The following FSIP1 variants were observed in gnomAD, a reference collection of about 807,000 sequenced individuals.
FSIP1 encodes the protein fibrous sheath-interacting protein 1.
FSIP1 carries 65 observed loss-of-function variants against 60.9 expected under a neutral mutation model. The ratio of observed to expected loss-of-function variants is 1.07; its 90% CI spans 0.87 to 1.31. The LOEUF is 1.31. FSIP1 is among the 40% of genes most tolerant of loss of function. FSIP1 has a pLI of 0.00. For synonymous variants in FSIP1, 209 were observed against 221.2 expected, an observed-to-expected ratio of 0.94 and a Z score of 0.49; for missense variants, 675 against 665.5, an observed-to-expected ratio of 1.01 and a Z score of -0.16.
intron 10 of FSIP1, among the ~76,000 whole-genome samples, chr15:39,629,933 G>T (rs115857252): frequency 2.0e-5 from 3 of 152,310 alleles, no homozygotes; most frequent in African/African-American, 7.2e-5. Flanking sequence ...TTTTCCTCTT[G>T]GGTATAAATC....
Position 39,704,393 on chromosome 15 carries a change from G to T in FSIP1, c.1188+9051C>A, listed in dbSNP as rs369976697. Among the ~76,000 whole-genome samples the T allele has an allele frequency of 1.6e-3, 249 of 152,360 alleles. 8 individuals carry two copies. In the South Asian group the frequency reaches 0.048, roughly 30 times the overall value. ...ATTTAACCACAAACATGTCAGGTCT[G>T]TTTGGAGTAGTGTTGAATGTGGAAA... On this transcript the variant is annotated intron_variant, in intron 10 of 11. Coordinates refer to ENST00000350221, the MANE Select transcript of FSIP1 (RefSeq NM_152597.5).
chr15:39,646,494 C>T (rs11857941), intron 10 of FSIP1, among the ~76,000 whole-genome samples: 1 of 114,010 alleles, frequency 8.8e-6, no homozygotes, highest in Non-Finnish European at 1.6e-5. Flanking sequence ...GACAGGCCTG[C>T]GTAACATAGC....
intron 3 of FSIP1, among the ~76,000 whole-genome samples, chr15:39,769,315 A>C (rs1897803261): frequency 6.6e-6 from 1 of 152,140 alleles, no homozygotes; most frequent in Admixed American, 6.5e-5. Flanking sequence ...AGTACTGGAA[A>C]GCTATCAACC....
intron 8 of FSIP1, 63 bp from the exon 9 acceptor site, chr15:39,726,810 C>A: frequency 7.2e-7 from 1 of 1,396,466 alleles, no homozygotes; most frequent in South Asian, 1.3e-5. Context: ...ATATACCTTT[C>A]AAGTGGCTAT....
chr15:39,780,317 G>A (rs1595413281), intron 1 of FSIP1, among the ~76,000 whole-genome samples: 1 of 151,890 alleles, frequency 6.6e-6, no homozygotes, highest in Admixed American at 6.6e-5. Flanking sequence ...AGGTCAGGAG[G>A]ATCAAGAACA....
chr15:39,740,667 T>C (rs1193185859), intron 6 of FSIP1, among the ~76,000 whole-genome samples: 1 of 152,176 alleles, frequency 6.6e-6, no homozygotes, highest in African/African-American at 2.4e-5. Context: ...AATTTTGTTT[T>C]ATAAGGGAGG....
chr15:39,646,252 C>A (rs984793786), intron 10 of FSIP1, among the ~76,000 whole-genome samples: 1 of 152,078 alleles, frequency 6.6e-6, no homozygotes, highest in Non-Finnish European at 1.5e-5. Context: ...CTACTCACTC[C>A]TTTGAGCTGT....
At position 39,658,592 on chromosome 15, in the gene FSIP1, A is replaced by C. The variant is rs368367209; in HGVS notation, c.1189-40347T>G. Among the ~76,000 whole-genome samples, 4 of 152,302 alleles carry C rather than the reference A, an allele frequency of 2.6e-5. No homozygotes were observed. The East Asian group carries it at 7.7e-4, about 29-fold the overall frequency. ...CTATTTCTTTAATAAAGATAACTTA[A>C]GTTTGCCTAAATTCTCTATAATTAC... On this transcript the variant is annotated intron_variant, in intron 10 of 11. Transcript: ENST00000350221.
chr15:39,719,142 A>T (rs1895859033), intron 9 of FSIP1, among the ~76,000 whole-genome samples: 1 of 152,238 alleles, frequency 6.6e-6, no homozygotes, highest in Non-Finnish European at 1.5e-5. Flanking sequence ...GTTGCCACTG[A>T]TGCTGATGAA....
intron 10 of FSIP1, among the ~76,000 whole-genome samples, chr15:39,677,564 T>C (rs1042142865): frequency 2.6e-5 from 4 of 152,214 alleles, no homozygotes; most frequent in African/African-American, 7.2e-5. Flanking sequence ...CCTAGGAATT[T>C]ATCTGAAGGA....
intron 11 of FSIP1, among the ~76,000 whole-genome samples, chr15:39,610,365 G>C (rs1890983183): frequency 6.6e-6 from 1 of 152,124 alleles, no homozygotes; most frequent in South Asian, 2.1e-4. Flanking sequence ...AGTGCACCAA[G>C]ACAAATCATA....
intron 8 of FSIP1, among the ~76,000 whole-genome samples, chr15:39,728,037 T>G (rs955302072): frequency 6.6e-6 from 1 of 152,028 alleles, no homozygotes; most frequent in African/African-American, 2.4e-5. Context: ...CCATTCACAA[T>G]AGCCATAAAA....
chr15:39,750,425 G>A (rs931812167), intron 5 of FSIP1, among the ~76,000 whole-genome samples: 1 of 151,850 alleles, frequency 6.6e-6, no homozygotes, highest in Non-Finnish European at 1.5e-5. Flanking sequence ...GTATAATACT[G>A]GCATAAAAAC....
chr15:39,716,818 T>TTC (rs201641161), intron 9 of FSIP1, among the ~76,000 whole-genome samples: 17,860 of 143,842 alleles, frequency 0.12, 1,327 homozygotes, highest in African/African-American at 0.2. Context: ...ATGTCTTTTT[T>TTC]TTTTTTTTTT....
intron 5 of FSIP1, among the ~76,000 whole-genome samples, chr15:39,759,821 T>C (rs1897433909): frequency 1.3e-5 from 2 of 152,164 alleles, no homozygotes; most frequent in African/African-American, 4.8e-5. Context: ...CTTTTCCTCT[T>C]CCTTATCTAC....
chr15:39,625,848 C>T (rs1288710561), intron 10 of FSIP1, among the ~76,000 whole-genome samples: 1 of 152,212 alleles, frequency 6.6e-6, no homozygotes, highest in Non-Finnish European at 1.5e-5. Flanking sequence ...TACTCCACCC[C>T]CTACTCCGGG....
chr15:39,617,673 T>C, intron 11 of FSIP1, 62 bp downstream of exon 11: 1 of 1,400,294 alleles, frequency 7.1e-7, no homozygotes, highest in Non-Finnish European at 9.8e-7. Context: ...TAAACCATAA[T>C]ACCTTTATAT....
intron 8 of FSIP1, among the ~76,000 whole-genome samples, chr15:39,730,897 G>C (rs919874750): frequency 1.1e-4 from 17 of 152,158 alleles, no homozygotes; most frequent in Non-Finnish European, 2.5e-4. Context: ...CCATGTTTAT[G>C]GCTGCCTGGA....
chr15:39,740,521 T>C (rs983051849), intron 6 of FSIP1, among the ~76,000 whole-genome samples: 3 of 152,216 alleles, frequency 2.0e-5, no homozygotes, highest in Non-Finnish European at 2.9e-5. Context: ...TCTGAAAATA[T>C]GCACGAAGAA....
Sources: gnomAD v4.1 joint callset for allele counts (sites outside exome capture counted in the v4.1 genomes callset) on GRCh38, gnomAD v4.1.1 for gene constraint, MANE v1.5 for transcripts, NCBI Gene and HGNC (gene_info 2026-07-23, HGNC 2026-07-21) for gene names.